Variants in SNTG1 observed in about 807,000 individuals in gnomAD.
The protein encoded by SNTG1 is gamma-1-syntrophin.
SNTG1 carries 39 observed loss-of-function variants against 74.7 expected under a neutral mutation model. The observed-to-expected ratio is 0.52, with a 90% confidence interval of 0.40 to 0.68. SNTG1 has a LOEUF of 0.68. SNTG1 is among the 30% of genes least tolerant of loss of function. SNTG1 has a pLI of 0.00. For missense variants in SNTG1, 685 were observed against 609.5 expected, an observed-to-expected ratio of 1.12 and a Z score of -1.30; for synonymous variants, 254 against 217.1, an observed-to-expected ratio of 1.17 and a Z score of -1.49.
At chr8:50,293,434 G>A (rs2089219881) in intron 2 of SNTG1, among the ~76,000 whole-genome samples, 1 of 143,616 alleles carries the variant, frequency 7.0e-6, no homozygotes, top group African/African-American at 2.6e-5. Flanking sequence ...TTTTTAGACT[G>A]AGTCTTGCTC....
chr8:50,085,563 C>G (rs944107713), intron 1 of SNTG1, among the ~76,000 whole-genome samples: 1 of 152,216 alleles, frequency 6.6e-6, no homozygotes, highest in African/African-American at 2.4e-5. Flanking sequence ...CTTTCTGTCT[C>G]TACTCCTCTA....
At chr8:49,956,387 T>C (rs139151394) in intron 1 of SNTG1, among the ~76,000 whole-genome samples, 6 of 152,320 alleles carry the variant, frequency 3.9e-5, no homozygotes, top group African/African-American at 9.6e-5. Flanking sequence ...TCTTCAACTT[T>C]ATTTTGCTAT....
chr8:50,183,526 T>C (rs2083280676), intron 2 of SNTG1, among the ~76,000 whole-genome samples: 2 of 152,326 alleles, frequency 1.3e-5, no homozygotes, highest in East Asian at 3.9e-4. Context: ...CCATAGCACG[T>C]TATGGCTTCA....
intron 2 of SNTG1, among the ~76,000 whole-genome samples, chr8:50,262,761 AAAAG>A (rs1423583637): frequency 6.6e-6 from 1 of 152,078 alleles, no homozygotes; most frequent in African/African-American, 2.4e-5. Flanking sequence ...AGGCTATCTA[AAAAG>A]AAAGAAACTA....
intron 2 of SNTG1, among the ~76,000 whole-genome samples, chr8:50,239,764 T>C (rs1007799391): frequency 1.3e-5 from 2 of 152,252 alleles, no homozygotes. Flanking sequence ...TGTTTGTTCC[T>C]TTAATTATTC....
At chr8:50,307,958 T>C (rs1260993269) in intron 2 of SNTG1, among the ~76,000 whole-genome samples, 2 of 152,106 alleles carry the variant, frequency 1.3e-5, no homozygotes, top group African/African-American at 4.8e-5. Context: ...ACATTTCAGC[T>C]TTCCCTTTGC....
chr8:50,720,708 G>A (rs763362762), intron 17 of SNTG1, among the ~76,000 whole-genome samples: 3 of 152,152 alleles, frequency 2.0e-5, no homozygotes, highest in Non-Finnish European at 1.5e-5. Context: ...TACGGTTATT[G>A]CTGGACACTC....
Position 50,232,962 on chromosome 8 carries a change from C to A in SNTG1, c.-28+60327C>A, listed in dbSNP as rs544365242. 6.6e-4 allele frequency among the ~76,000 whole-genome samples: 100 copies of A among 151,560 alleles called. 2 individuals are homozygous for A. In the Middle Eastern group the frequency reaches 0.01, roughly 15 times the overall value. On this transcript the variant is annotated intron_variant, in intron 2 of 18. Transcript: ENST00000642720. ...GTCATACTGTGTTCATGGATTATAA[C>A]ACTCAAAATAGTGAAGATGTCATTG...
intron 12 of SNTG1, among the ~76,000 whole-genome samples, chr8:50,584,546 A>G (rs1585759810): frequency 7.8e-6 from 1 of 128,460 alleles, no homozygotes; most frequent in Non-Finnish European, 1.6e-5. Flanking sequence ...GGTGTTTCGC[A>G]CTGTCTCCTG....
At chr8:50,419,918 A>G (rs1435767417) in intron 4 of SNTG1, among the ~76,000 whole-genome samples, 1 of 152,084 alleles carries the variant, frequency 6.6e-6, no homozygotes, top group East Asian at 1.9e-4. Context: ...AGCACAATGG[A>G]CGGGACAGAG....
intron 1 of SNTG1, among the ~76,000 whole-genome samples, chr8:49,972,571 G>A (rs1345111770): frequency 6.6e-6 from 1 of 151,690 alleles, no homozygotes; most frequent in East Asian, 2.0e-4. Context: ...CCATCAGAGT[G>A]AACAGGCAAC....
intron 2 of SNTG1, among the ~76,000 whole-genome samples, chr8:50,282,663 G>T (rs1346547470): frequency 6.6e-6 from 1 of 152,150 alleles, no homozygotes; most frequent in African/African-American, 2.4e-5. Context: ...CTACTCTGGA[G>T]GCTGAGGCAG....
chr8:49,933,323 C>A (rs1334030534), intron 1 of SNTG1, among the ~76,000 whole-genome samples: 1 of 152,108 alleles, frequency 6.6e-6, no homozygotes, highest in Non-Finnish European at 1.5e-5. Flanking sequence ...GGGTAACTGA[C>A]TCTAGTTTTA....
intron 4 of SNTG1, among the ~76,000 whole-genome samples, chr8:50,417,915 C>T (rs2093034450): frequency 6.6e-6 from 1 of 152,082 alleles, no homozygotes; most frequent in Admixed American, 6.6e-5. Flanking sequence ...TCTTCAAAGA[C>T]ATCGTTCCAG....
At chr8:50,422,973 G>A (rs2093114073) in intron 4 of SNTG1, among the ~76,000 whole-genome samples, 1 of 152,152 alleles carries the variant, frequency 6.6e-6, no homozygotes, top group African/African-American at 2.4e-5. Context: ...TGTAATTCAG[G>A]CATGTTGAAA....
chr8:49,914,560 G>A (rs906753834), intron 1 of SNTG1, among the ~76,000 whole-genome samples: 6 of 152,002 alleles, frequency 3.9e-5, no homozygotes, highest in African/African-American at 7.3e-5. Context: ...AACACTTCTT[G>A]ATTAATTTTT....
chr8:50,699,473 G>GA (rs2095416293), intron 15 of SNTG1, among the ~76,000 whole-genome samples: 1 of 151,764 alleles, frequency 6.6e-6, no homozygotes, highest in Admixed American at 6.6e-5. Flanking sequence ...CTTCTAAGTG[G>GA]ATGAAGTACC....
chr8:50,146,113 A>C (rs2081854585), intron 1 of SNTG1, among the ~76,000 whole-genome samples: 1 of 152,130 alleles, frequency 6.6e-6, no homozygotes, highest in South Asian at 2.1e-4. Context: ...TTGTATGAGG[A>C]TAAGGAAATA....
At chr8:50,471,373 A>G (rs2093653415) in intron 8 of SNTG1, among the ~76,000 whole-genome samples, 1 of 152,048 alleles carries the variant, frequency 6.6e-6, no homozygotes, top group African/African-American at 2.4e-5. Flanking sequence ...TCATCTATGT[A>G]TAATACTACA....
Sources: allele counts gnomAD v4.1 joint callset (sites outside exome capture counted in the v4.1 genomes callset), GRCh38; gene constraint gnomAD v4.1.1; transcripts MANE v1.5; gene names NCBI Gene and HGNC (gene_info 2026-07-23, HGNC 2026-07-21).